The following ALK variants were observed in gnomAD, a reference collection of about 807,000 sequenced individuals.
The protein encoded by ALK is ALK tyrosine kinase receptor.
ALK carries 74 observed loss-of-function variants against 163.1 expected under a neutral mutation model. That is an observed-to-expected ratio of 0.45 (90% CI 0.38 to 0.55). The LOEUF is 0.55. ALK is among the 20% of genes least tolerant of loss of function. The pLI is 0.00. For synonymous variants in ALK, 960 were observed against 843.2 expected, an observed-to-expected ratio of 1.14 and a Z score of -2.40; for missense variants, 2,063 against 2,105.3, an observed-to-expected ratio of 0.98 and a Z score of 0.39.
chr2:29,525,797 A>C (rs1442587771), intron 4 of ALK, among the ~76,000 whole-genome samples: 3 of 150,206 alleles, frequency 2.0e-5, no homozygotes, highest in Non-Finnish European at 4.4e-5. Flanking sequence ...ATCTCAAAAA[A>C]AAAAAAAAAA....
At chr2:29,542,881 G>A (rs1480874618) in intron 3 of ALK, among the ~76,000 whole-genome samples, 2 of 151,996 alleles carry the variant, frequency 1.3e-5, no homozygotes, top group Non-Finnish European at 2.9e-5. Flanking sequence ...AGCAAATCTT[G>A]TTTTATTATT....
chr2:29,287,670 G>A (rs1244464464), intron 9 of ALK, among the ~76,000 whole-genome samples: 1 of 152,066 alleles, frequency 6.6e-6, no homozygotes, highest in African/African-American at 2.4e-5. Flanking sequence ...GAGCGGAGCA[G>A]AAGTGATGAT....
intron 1 of ALK, among the ~76,000 whole-genome samples, chr2:29,740,059 A>C (rs1680010169): frequency 6.6e-6 from 1 of 152,158 alleles, no homozygotes; most frequent in Non-Finnish European, 1.5e-5. Flanking sequence ...GAATGCCTAC[A>C]CCATACATAC....
chr2:29,870,889 T>C (rs750189801), intron 1 of ALK, among the ~76,000 whole-genome samples: 1 of 152,154 alleles, frequency 6.6e-6, no homozygotes, highest in Non-Finnish European at 1.5e-5. Context: ...GTAGGAACAA[T>C]TAAGTGTTTT....
chr2:29,202,401 T>G (rs1051743278), intron 26 of ALK, among the ~76,000 whole-genome samples: 3 of 152,242 alleles, frequency 2.0e-5, no homozygotes, highest in African/African-American at 7.2e-5. Context: ...CAGTCAAAAC[T>G]TTAAAAAGGA....
Position 29,207,091 on chromosome 2 carries a change from G to T in ALK, c.3938+80C>A, listed in dbSNP as rs1467233363. 6 of 1,113,142 alleles carry T rather than the reference G, an allele frequency of 5.4e-6. No homozygotes were observed. In the South Asian group the frequency reaches 6.2e-5, roughly 11 times the overall value. 69.0% of individuals were successfully genotyped at this position (1,113,142 alleles called of 1,614,324 possible). ...CCTCCCTACTAACACACGGGCTCCCGGCTTAGAGTATAGAGTCCTTTGGCC... is the reference window on the plus strand; with the variant it reads ...CCTCCCTACTAACACACGGGCTCCCTGCTTAGAGTATAGAGTCCTTTGGCC... On this transcript the variant is annotated intron_variant, in intron 26 of 28. Transcript: ENST00000389048.
At chr2:29,619,211 T>G (rs1386727545) in intron 3 of ALK, among the ~76,000 whole-genome samples, 1 of 152,136 alleles carries the variant, frequency 6.6e-6, no homozygotes, top group African/African-American at 2.4e-5. Flanking sequence ...GGGTGGAAGT[T>G]GGGATGATCT....
chr2:29,468,589 C>T (rs1469460447), intron 4 of ALK, among the ~76,000 whole-genome samples: 1 of 151,998 alleles, frequency 6.6e-6, no homozygotes, highest in Non-Finnish European at 1.5e-5. Flanking sequence ...GTGGCTCATG[C>T]CTGTAATCCA....
intron 3 of ALK, among the ~76,000 whole-genome samples, chr2:29,555,302 G>A (rs959464654): frequency 6.6e-6 from 1 of 151,950 alleles, no homozygotes; most frequent in Non-Finnish European, 1.5e-5. Flanking sequence ...GAGGGTCAGT[G>A]GCCATTTATC....
Position 29,920,584 on chromosome 2 carries a change from C to T in ALK, c.76G>A (p.Gly26Ser), listed in dbSNP as rs1060500214. The T allele has an allele frequency of 5.7e-6, 9 of 1,577,554 alleles. No homozygotes were observed. Among genetic ancestry groups the T allele is most frequent in the Non-Finnish European group, 7.7e-6 (9 of 1,167,288 alleles). The change falls in exon 1 of 29, where the codon GGC (glycine) becomes AGC (serine). Residue 26 changes from glycine (G) to serine (S), a missense_variant. By Grantham distance (56) the Gly-to-Ser change is moderately conservative (BLOSUM62 0). This residue lies in a region of ALK where 987 missense variants were observed against 939.5 expected (regional missense o/e 1.05). Coordinates refer to ENST00000389048, the MANE Select transcript of ALK (RefSeq NM_004304.5). ...TAAVGSGMGT[G>S]QRAGSPAAGP... Reference sequence around the variant, plus strand: ...GCAGCTGGGGAGCCCGCGCGCTGGCCGGTCCCCATCCCGGAGCCCACAGCT... The same window carrying T: ...GCAGCTGGGGAGCCCGCGCGCTGGCTGGTCCCCATCCCGGAGCCCACAGCT...
intron 3 of ALK, among the ~76,000 whole-genome samples, chr2:29,689,440 G>A (rs1403216700): frequency 6.6e-6 from 1 of 152,198 alleles, no homozygotes; most frequent in Non-Finnish European, 1.5e-5. Flanking sequence ...CACTTGAGAG[G>A]TGTTCAGGGA....
At chr2:29,717,824 G>GA (rs1399187744) in intron 1 of ALK, 127 bp from the exon 2 acceptor site, 12 of 1,285,200 alleles carry the variant, frequency 9.3e-6, no homozygotes, top group South Asian at 8.7e-5. Context: ...AGATGAGGGG[G>GA]AAAAAATTGA....
intron 4 of ALK, among the ~76,000 whole-genome samples, chr2:29,419,205 C>T (rs1349630011): frequency 6.6e-6 from 1 of 151,188 alleles, no homozygotes; most frequent in Non-Finnish European, 1.5e-5. Flanking sequence ...CAGGTACATG[C>T]CACCATGCCC....
intron 5 of ALK, among the ~76,000 whole-genome samples, chr2:29,363,724 A>T (rs1460852441): frequency 1.3e-5 from 2 of 152,238 alleles, no homozygotes; most frequent in Non-Finnish European, 2.9e-5. Flanking sequence ...TCTTTAATTC[A>T]TCATTCTCAC....
At chr2:29,605,873 C>T (rs1047785679) in intron 3 of ALK, among the ~76,000 whole-genome samples, 2 of 152,132 alleles carry the variant, frequency 1.3e-5, no homozygotes, top group African/African-American at 2.4e-5. Context: ...TGCCTCCCCA[C>T]CCCTCTGACA....
intron 28 of ALK, among the ~76,000 whole-genome samples, chr2:29,194,437 C>G (rs1319351120): frequency 6.6e-6 from 1 of 152,054 alleles, no homozygotes; most frequent in African/African-American, 2.4e-5. Flanking sequence ...CATTTGGGTA[C>G]TTTACACTTG....
intron 2 of ALK, among the ~76,000 whole-genome samples, chr2:29,710,880 G>C (rs1203307009): frequency 6.6e-6 from 1 of 152,104 alleles, no homozygotes; most frequent in Non-Finnish European, 1.5e-5. Flanking sequence ...TGGGTTTACA[G>C]CTCTCTACTG....
chr2:29,557,919 C>T (rs1558383306), intron 3 of ALK, among the ~76,000 whole-genome samples: 1 of 152,144 alleles, frequency 6.6e-6, no homozygotes, highest in Non-Finnish European at 1.5e-5. Flanking sequence ...TCTTTCGAAG[C>T]CCTGGCAAAG....
intron 9 of ALK, among the ~76,000 whole-genome samples, chr2:29,296,607 C>T (rs949642439): frequency 6.6e-6 from 1 of 152,170 alleles, no homozygotes; most frequent in Non-Finnish European, 1.5e-5. Context: ...TTTATTTTTC[C>T]TCCAGACACT....
Sources: gnomAD v4.1 joint callset for allele counts (sites outside exome capture counted in the v4.1 genomes callset) on GRCh38, gnomAD v4.1.1 for gene constraint, gnomAD v4.1.1 regional missense constraint, MANE v1.5 for transcripts, NCBI Gene and HGNC (gene_info 2026-07-23, HGNC 2026-07-21) for gene names.